Variants in ANTXR1 observed in about 807,000 individuals in gnomAD.
ANTXR1 encodes anthrax toxin receptor 1.
A neutral mutation model predicts 78.1 loss-of-function variants in ANTXR1; 19 were observed. The ratio of observed to expected loss-of-function variants is 0.24; its 90% CI spans 0.17 to 0.36. ANTXR1 has a LOEUF of 0.36. ANTXR1 is among the 10% of genes least tolerant of loss of function. ANTXR1 has a pLI of 1.00. For synonymous variants in ANTXR1, 273 were observed against 260.5 expected, an observed-to-expected ratio of 1.05 and a Z score of -0.46; for missense variants, 518 against 718.6, an observed-to-expected ratio of 0.72 and a Z score of 3.19.
chr2:69,088,259 G>C (rs1671117593), intron 8 of ANTXR1, among the ~76,000 whole-genome samples: 1 of 152,156 alleles, frequency 6.6e-6, no homozygotes, highest in Non-Finnish European at 1.5e-5. Context: ...GGTTCAAAAA[G>C]GTTGGTTGAA....
intron 17 of ANTXR1, among the ~76,000 whole-genome samples, chr2:69,222,317 G>A (rs957001073): frequency 1.3e-5 from 2 of 152,086 alleles, no homozygotes; most frequent in Non-Finnish European, 1.5e-5. Flanking sequence ...CTAGCAGACC[G>A]GCTCAAGATT....
chr2:69,106,947 G>A (rs1056727240), intron 10 of ANTXR1, among the ~76,000 whole-genome samples: 1 of 152,078 alleles, frequency 6.6e-6, no homozygotes, highest in Non-Finnish European at 1.5e-5. Flanking sequence ...CAGATCATAG[G>A]GGAAAGAATA....
At chr2:69,075,554 C>T in intron 6 of ANTXR1, 36 bp from the exon 7 acceptor site, 1 of 1,606,548 alleles carries the variant, frequency 6.2e-7, no homozygotes, top group Non-Finnish European at 8.5e-7. Context: ...TTTGTCACTG[C>T]TTCTCTTTCT....
intron 12 of ANTXR1, among the ~76,000 whole-genome samples, chr2:69,143,946 C>A (rs1558595919): frequency 6.6e-6 from 1 of 152,234 alleles, no homozygotes; most frequent in Non-Finnish European, 1.5e-5. Flanking sequence ...CCCTAAGGTG[C>A]CTACCAGAAA....
intron 17 of ANTXR1, among the ~76,000 whole-genome samples, chr2:69,212,961 C>CTTTTTTT (rs747933496): frequency 4.1e-5 from 4 of 98,064 alleles, no homozygotes; most frequent in Non-Finnish European, 8.0e-5. Context: ...TGCACATCAC[C>CTTTTTTT]TTTTTTTTTT....
intron 17 of ANTXR1, among the ~76,000 whole-genome samples, chr2:69,231,090 G>C (rs939439506): frequency 2.6e-5 from 4 of 152,198 alleles, no homozygotes; most frequent in Admixed American, 2.6e-4. Context: ...AGTTTGCTAA[G>C]GATAATGGCC....
chr2:69,090,995 T>G, intron 9 of ANTXR1, 76 bp downstream of exon 9: 1 of 1,473,736 alleles, frequency 6.8e-7, no homozygotes, highest in East Asian at 2.3e-5. Context: ...TGTACTTCAT[T>G]GTTGGTGGGG....
Position 69,060,937 on chromosome 2 carries a change from C to T in ANTXR1, c.297-9710C>T, listed in dbSNP as rs567342123. 1.1e-3 allele frequency among the ~76,000 whole-genome samples: 172 copies of T among 152,250 alleles called. 1 individual carries two copies. Among genetic ancestry groups the T allele is most frequent in the African/African-American group, 4.0e-3 (167 of 41,546 alleles). ...CTTGAAACAAAAGCACAAAGACCAT[C>T]TTTGAGGAAACTGAGAAATATTTAA... On this transcript the variant is annotated intron_variant, in intron 3 of 17. Coordinates refer to ENST00000303714, the MANE Select transcript of ANTXR1 (RefSeq NM_032208.3).
chr2:69,245,786 G>T lies in ANTXR1; in HGVS notation c.*301G>T. On this transcript the variant is annotated 3_prime_UTR_variant, in exon 18 of 18. Coordinates refer to ENST00000303714, the MANE Select transcript of ANTXR1 (RefSeq NM_032208.3). ...TCTCAACAGGATTATGTCTCATGGAGACCAGTAAGAAAATCATTTATCTGA... is the reference window on the plus strand; with the variant it reads ...TCTCAACAGGATTATGTCTCATGGATACCAGTAAGAAAATCATTTATCTGA... 1 of 327,178 alleles carries T rather than the reference G, an allele frequency of 3.1e-6. No individual in the cohort carries two copies. Among genetic ancestry groups the T allele is most frequent in the East Asian group, 6.3e-5 (1 of 15,820 alleles). 20.3% of individuals were successfully genotyped at this position (327,178 alleles called of 1,614,324 possible). A position where few individuals can be genotyped will look rare whatever the true frequency, so the allele number is the denominator to read the frequency against.
chr2:69,071,860 A>C, intron 5 of ANTXR1, 73 bp downstream of exon 5: 1 of 1,361,468 alleles, frequency 7.3e-7, no homozygotes, highest in South Asian at 1.2e-5. Context: ...AAAGTGCTTC[A>C]GTCATTTCAT....
intron 9 of ANTXR1, among the ~76,000 whole-genome samples, chr2:69,099,797 CTCTT>C (rs947987842): frequency 4.7e-4 from 72 of 152,310 alleles, no homozygotes; most frequent in African/African-American, 1.7e-3. Flanking sequence ...CCCCTTTATT[CTCTT>C]TCTATGCCAA....
At chr2:69,193,482 C>CAA in intron 17 of ANTXR1, 67 bp downstream of exon 17, 1 of 1,284,272 alleles carries the variant, frequency 7.8e-7, no homozygotes, top group Admixed American at 1.7e-5. Flanking sequence ...CACACACACA[C>CAA]ACACACACAT....
intron 3 of ANTXR1, among the ~76,000 whole-genome samples, chr2:69,047,772 T>C (rs1339505751): frequency 6.6e-6 from 1 of 152,214 alleles, no homozygotes; most frequent in East Asian, 1.9e-4. Flanking sequence ...GCAGGTGATA[T>C]AGGCAGTAGC....
intron 17 of ANTXR1, among the ~76,000 whole-genome samples, chr2:69,208,852 T>A (rs1674969859): frequency 1.3e-5 from 2 of 152,178 alleles, no homozygotes; most frequent in Admixed American, 6.5e-5. Flanking sequence ...ATCCCAAACT[T>A]CTTATTTTTA....
At chr2:69,060,196 T>C (rs1229330169) in intron 3 of ANTXR1, among the ~76,000 whole-genome samples, 1 of 152,200 alleles carries the variant, frequency 6.6e-6, no homozygotes, top group South Asian at 2.1e-4. Context: ...CTATTTCTGC[T>C]TGCTCTTTTG....
intron 1 of ANTXR1, 100 bp from the exon 2 acceptor site, chr2:69,039,944 G>A: frequency 1.0e-6 from 1 of 962,910 alleles, no homozygotes; most frequent in Non-Finnish European, 1.6e-6. Context: ...TCCAGTTATT[G>A]GAGAGGTCAA....
intron 10 of ANTXR1, among the ~76,000 whole-genome samples, chr2:69,119,259 G>A (rs561411046): frequency 3.9e-5 from 6 of 152,148 alleles, no homozygotes; most frequent in African/African-American, 1.2e-4. Flanking sequence ...TGGCTGTGGC[G>A]CTGCAGTGCG....
chr2:69,229,752 AT>A (rs1161516563), intron 17 of ANTXR1, among the ~76,000 whole-genome samples: 7 of 146,718 alleles, frequency 4.8e-5, no homozygotes, highest in African/African-American at 1.8e-4. Flanking sequence ...TTTTTTTTTA[AT>A]CTTAGAAAAG....
At chr2:69,096,132 C>T (rs375352570) in intron 9 of ANTXR1, among the ~76,000 whole-genome samples, 1 of 151,764 alleles carries the variant, frequency 6.6e-6, no homozygotes, top group Admixed American at 6.6e-5. Context: ...GTGGCGGGCT[C>T]CTGTAGTCCC....
Sources: gnomAD v4.1 joint callset for allele counts (sites outside exome capture counted in the v4.1 genomes callset) on GRCh38, gnomAD v4.1.1 for gene constraint, MANE v1.5 for transcripts, NCBI Gene and HGNC (gene_info 2026-07-23, HGNC 2026-07-21) for gene names.